The following MARK2 variants were observed in gnomAD, a reference collection of about 807,000 sequenced individuals.
The protein encoded by MARK2 is serine/threonine-protein kinase MARK2.
In MARK2, 16 loss-of-function variants were observed where a neutral mutation model predicts 89.8. The observed-to-expected ratio is 0.18, with a 90% CI of 0.12 to 0.27. MARK2 has a LOEUF of 0.27. MARK2 is among the 10% of genes least tolerant of loss of function. MARK2 has a pLI of 1.00. For missense variants in MARK2, 621 were observed against 1,049.9 expected (o/e 0.59, Z 5.65); for synonymous variants, 382 against 399.5 (o/e 0.96, Z 0.52).
At chr11:63,842,446 T>A (rs2016067423) in intron 1 of MARK2, among the ~76,000 whole-genome samples, 2 of 151,934 alleles carry the variant, frequency 1.3e-5, no homozygotes, top group Admixed American at 1.3e-4. Flanking sequence ...CAGTCTCCTG[T>A]CCTCGTGATC....
chr11:63,875,487 A>T (rs1368423225), intron 1 of MARK2, among the ~76,000 whole-genome samples: 1 of 151,914 alleles, frequency 6.6e-6, no homozygotes, highest in Non-Finnish European at 1.5e-5. Context: ...CCTTGCCTCA[A>T]ATGATCCGCC....
In MARK2 at chr11:63,884,135, G is replaced by A. The variant is rs553266273; in HGVS notation, c.55-11024G>A. On this transcript the variant is annotated intron_variant, in intron 1 of 18. Coordinates refer to ENST00000402010, the MANE Select transcript of MARK2 (RefSeq NM_001039469.3). ...ACTGGAGCCAGGGCTCCAGAGTACT[G>A]CTCAACAAAGGTTTGCTAGGGCAAC... Among the ~76,000 whole-genome samples, 4 of 152,284 alleles carry A rather than the reference G, an allele frequency of 2.6e-5. No individual in the cohort carries two copies. The East Asian group carries it at 7.7e-4, about 29-fold the overall frequency.
rs1044434866 is a variant in MARK2 at position 63,867,847 on chromosome 11, C to T, written c.55-27312C>T. 1.8e-4 allele frequency among the ~76,000 whole-genome samples: 28 copies of T among 152,004 alleles called. 1 individual carries two copies. Among genetic ancestry groups the T allele is most frequent in the Admixed American group, 1.6e-3 (24 of 15,264 alleles). On this transcript the variant is annotated intron_variant, in intron 1 of 18. Coordinates refer to ENST00000402010, the MANE Select transcript of MARK2 (RefSeq NM_001039469.3). Reference sequence around the variant, plus strand: ...TTCAGATCTCTCTTAGCCCACTGTTCCTCTGAAAAAAAAACAAAAGCCATA... The same window carrying T: ...TTCAGATCTCTCTTAGCCCACTGTTTCTCTGAAAAAAAAACAAAAGCCATA...
intron 1 of MARK2, among the ~76,000 whole-genome samples, chr11:63,856,321 GTT>G (rs1358748879): frequency 5.9e-4 from 31 of 52,676 alleles, no homozygotes; most frequent in African/African-American, 1.3e-3. Context: ...TTTTTTTTTT[GTT>G]TTTTTTTTTT....
rs756987099 is a variant in MARK2 at position 63,909,252 on chromosome 11, C to T, written c.*15C>T. ...TGAAGCTTTAACAGGCTGCCAGGAG[C>T]GGGGGCGGCGGGGGCGGGCCAGCTG... On this transcript the variant is annotated 3_prime_UTR_variant, in exon 19 of 19. Transcript: ENST00000402010. 6 of 1,556,904 alleles carry T rather than the reference C, an allele frequency of 3.9e-6. No individual in the cohort carries two copies. Among genetic ancestry groups the T allele is most frequent in the East Asian group, 2.3e-5 (1 of 43,584 alleles).
chr11:63,898,883 GTT>G (rs775178857), intron 6 of MARK2, 50 bp downstream of exon 6: 1 of 1,538,634 alleles, frequency 6.5e-7, no homozygotes, highest in African/African-American at 1.4e-5. Context: ...TGCTTTTGGG[GTT>G]TGACATGTAA....
intron 1 of MARK2, among the ~76,000 whole-genome samples, chr11:63,843,473 G>A (rs1475022144): frequency 6.6e-6 from 1 of 152,096 alleles, no homozygotes; most frequent in Non-Finnish European, 1.5e-5. Context: ...GCAGTGAGCG[G>A]CATTGTTTAT....
chr11:63,892,544 C>T (rs1186762610), intron 1 of MARK2, among the ~76,000 whole-genome samples: 1 of 152,122 alleles, frequency 6.6e-6, no homozygotes, highest in Non-Finnish European at 1.5e-5. Context: ...TTCACTCACA[C>T]TCCTCTGGTC....
At chr11:63,885,493 C>T (rs761070747) in intron 1 of MARK2, among the ~76,000 whole-genome samples, 4 of 151,692 alleles carry the variant, frequency 2.6e-5, no homozygotes, top group Non-Finnish European at 4.4e-5. Context: ...GAGCCAAGAT[C>T]GTGCTGCTGC....
chr11:63,863,964 A>T lies in MARK2; in HGVS notation c.54+24404A>T, dbSNP rs926178642. ...TTTTTTTATTTTTATTTATTTATTT[A>T]TTTTTTTGAGACTGAGTCTCGCTTT... On this transcript the variant is annotated intron_variant, in intron 1 of 18. Coordinates refer to ENST00000402010, the MANE Select transcript of MARK2 (RefSeq NM_001039469.3). Among the ~76,000 whole-genome samples, 13 of 150,892 alleles carry T rather than the reference A, an allele frequency of 8.6e-5. No homozygotes were observed. In the South Asian group the frequency reaches 1.3e-3, roughly 15 times the overall value.
intron 1 of MARK2, among the ~76,000 whole-genome samples, chr11:63,864,085 C>G (rs1300736389): frequency 6.6e-6 from 1 of 152,054 alleles, no homozygotes; most frequent in African/African-American, 2.4e-5. Context: ...TCCCAAGTAG[C>G]TGGGACTACA....
At chr11:63,878,155 A>C (rs1466192743) in intron 1 of MARK2, among the ~76,000 whole-genome samples, 1 of 152,178 alleles carries the variant, frequency 6.6e-6, no homozygotes, top group East Asian at 1.9e-4. Flanking sequence ...GTACTGTTGC[A>C]GGTTGTCTTT....
At chr11:63,874,697 C>T (rs536910048) in intron 1 of MARK2, among the ~76,000 whole-genome samples, 9 of 152,312 alleles carry the variant, frequency 5.9e-5, no homozygotes, top group Admixed American at 2.0e-4. Flanking sequence ...TTGTTCTAAT[C>T]CCCTTGTCTA....
At position 63,903,693 on chromosome 11, in the gene MARK2, A is replaced by T. The variant is rs966152392; in HGVS notation, c.1515-293A>T. On this transcript the variant is annotated intron_variant, in intron 14 of 18. Coordinates refer to ENST00000402010, the MANE Select transcript of MARK2 (RefSeq NM_001039469.3). This position sits in a 1 kb window ranked among gnomAD's most constrained non-coding sequence, Gnocchi z 5.1. ...GTAGAAGAAACTCTCCTGTTCTTAAAATTCTTAGGAGGCCAGTGCAGCCTG... is the reference window on the plus strand; with the variant it reads ...GTAGAAGAAACTCTCCTGTTCTTAATATTCTTAGGAGGCCAGTGCAGCCTG... Among the ~76,000 whole-genome samples the T allele has an allele frequency of 1.3e-5, 2 of 152,078 alleles. No homozygotes were observed. The highest frequency in any genetic ancestry group is 2.9e-5 in the Non-Finnish European group (2 of 67,990).
rs145802892 is a variant in MARK2, at chr11:63,903,957, C to T, written c.1515-29C>T. The stretch of plus-strand genomic sequence containing the variant: ...CTCCCGCCCTCACTCACCCCTAACA[C>T]GGGCCTCTCCGCTGCTTTTGTTTCC... On this transcript the variant is annotated intron_variant, in intron 14 of 18. Transcript: ENST00000402010. This position sits in a 1 kb window ranked among gnomAD's most constrained non-coding sequence, Gnocchi z 5.1. The T allele has an allele frequency of 1.3e-4, 205 of 1,580,638 alleles. No individual in the cohort carries two copies. In the African/African-American group the frequency reaches 2.1e-3, roughly 16 times the overall value.
intron 1 of MARK2, among the ~76,000 whole-genome samples, chr11:63,873,145 T>TCCAA (rs1160366429): frequency 6.6e-6 from 1 of 152,052 alleles, no homozygotes; most frequent in Non-Finnish European, 1.5e-5. Flanking sequence ...GCCAGGTCTG[T>TCCAA]CCAAGGCCAC....
intron 1 of MARK2, among the ~76,000 whole-genome samples, chr11:63,853,322 C>T (rs1278858483): frequency 6.6e-6 from 1 of 151,922 alleles, no homozygotes; most frequent in Non-Finnish European, 1.5e-5. Context: ...TCGTTTGAAC[C>T]CAAGAGATGG....
rs1335612016 is a variant in MARK2 at position 63,909,871 on chromosome 11, TGG to T, written c.*636_*637del. The T allele has an allele frequency of 6.6e-6, 1 of 152,196 alleles. No individual in the cohort carries two copies. The highest frequency in any genetic ancestry group is 1.5e-5 in the Non-Finnish European group (1 of 68,162). The allele number at this position is 152,196 out of a possible 1,614,324, so 9.4% of individuals were successfully genotyped here. On this transcript the variant is annotated 3_prime_UTR_variant, in exon 19 of 19. Transcript: ENST00000402010. ...GCGGGGGTGCTGCGCAGCCCTGCAG[TGG>T]GTGGGGCTGGGGGCTGCTCCGGGGC...
rs948707592 is a variant in MARK2, at chr11:63,839,440, G to T, written c.-67G>T. 14 of 1,001,142 alleles carry T rather than the reference G, an allele frequency of 1.4e-5. No homozygotes were observed. In the Admixed American group the frequency reaches 1.7e-4, roughly 12 times the overall value. 62.0% of individuals were successfully genotyped at this position (1,001,142 alleles called of 1,614,324 possible). On this transcript the variant is annotated 5_prime_UTR_variant, in exon 1 of 19. Coordinates refer to ENST00000402010, the MANE Select transcript of MARK2 (RefSeq NM_001039469.3). ...GCTGTGAGAAGCCCCGCCCGGCCGG[G>T]CTCCGCGCCTTCCCTTCCCTCCCTT...
Sources: allele counts gnomAD v4.1 joint callset (sites outside exome capture counted in the v4.1 genomes callset), GRCh38; gene constraint gnomAD v4.1.1; non-coding constraint Gnocchi (gnomAD v3.1); transcripts MANE v1.5; gene names NCBI Gene and HGNC (gene_info 2026-07-23, HGNC 2026-07-21).